The following AGT variants were observed in gnomAD, a reference collection of about 807,000 sequenced individuals.
AGT encodes angiotensinogen.
In AGT, 26 loss-of-function variants were observed where a neutral mutation model predicts 28.1. The ratio of observed to expected loss-of-function variants is 0.92; its 90% CI spans 0.68 to 1.28. The LOEUF is 1.28. Among genes scored for constraint, AGT ranks in the 50% most tolerant of loss-of-function variants. The pLI, the probability that AGT is intolerant of heterozygous loss-of-function variation, is 0.00. For missense variants in AGT, 596 were observed against 592.3 expected, an observed-to-expected ratio of 1.01 and a Z score of -0.06; for synonymous variants, 259 against 259.6, an observed-to-expected ratio of 1.00 and a Z score of 0.02.
At chr1:230,743,678 G>A (rs1009881796) in intron 1 of AGT, among the ~76,000 whole-genome samples, 3 of 152,184 alleles carry the variant, frequency 2.0e-5, no homozygotes, top group Non-Finnish European at 4.4e-5. Flanking sequence ...AGGCTGTTTG[G>A]CATATCCCTC....
chr1:230,723,007 C>G (rs77875707), intron 1 of AGT, among the ~76,000 whole-genome samples: 2,088 of 152,026 alleles, frequency 0.014, 55 homozygotes, highest in African/African-American at 0.046. Flanking sequence ...GTAATCCCCA[C>G]CTGTCAAGGG....
chr1:230,726,897 A>G (rs186558851), intron 1 of AGT, among the ~76,000 whole-genome samples: 44 of 152,284 alleles, frequency 2.9e-4, no homozygotes, highest in African/African-American at 9.9e-4. Context: ...CCACTCTCTC[A>G]TATCTTCCAA....
chr1:230,729,512 G>A (rs554116186), intron 1 of AGT, among the ~76,000 whole-genome samples: 1 of 152,282 alleles, frequency 6.6e-6, no homozygotes, highest in African/African-American at 2.4e-5. Context: ...ACCCAGGCAT[G>A]TGTTTCTCAA....
At chr1:230,730,020 G>A (rs961537614) in intron 1 of AGT, among the ~76,000 whole-genome samples, 1 of 152,014 alleles carries the variant, frequency 6.6e-6, no homozygotes, top group East Asian at 2.0e-4. Context: ...GATTAGCCAG[G>A]CGTGGTGGTG....
rs559544139 is a variant in AGT at position 230,705,759 on chromosome 1, G to A, written c.1097+174C>T. On this transcript the variant is annotated intron_variant, in intron 3 of 4. Coordinates refer to ENST00000366667, the MANE Select transcript of AGT (RefSeq NM_001384479.1). ...CTAACTGGAGAGCTGGGTGCTGGCT[G>A]GATAGAGGACTGGTAGACAGACACA... Among the ~76,000 whole-genome samples, 12 of 152,350 alleles carry A rather than the reference G, an allele frequency of 7.9e-5. No homozygotes were observed. In the South Asian group the frequency reaches 2.5e-3, roughly 32 times the overall value.
At chr1:230,705,650 C>T (rs555843872) in intron 3 of AGT, among the ~76,000 whole-genome samples, 2 of 152,378 alleles carry the variant, frequency 1.3e-5, no homozygotes, top group African/African-American at 4.8e-5. Flanking sequence ...TTTTCTCCCC[C>T]TCCAAAACTA....
chr1:230,711,177 A>G (rs969037341), intron 1 of AGT, among the ~76,000 whole-genome samples: 2 of 152,174 alleles, frequency 1.3e-5, no homozygotes, highest in African/African-American at 4.8e-5. Context: ...GATTAAGTTA[A>G]AATGAGGCCA....
chr1:230,703,123 T>G lies in AGT; in HGVS notation c.*18A>C. ...GGGGCAGAGGCCTTGCCAGGCACTGTGTTCTGGGGCCCTGGCCTCATGCTG... is the reference window on the plus strand; with the variant it reads ...GGGGCAGAGGCCTTGCCAGGCACTGGGTTCTGGGGCCCTGGCCTCATGCTG... On this transcript the variant is annotated 3_prime_UTR_variant, in exon 5 of 5. Coordinates refer to ENST00000366667, the MANE Select transcript of AGT (RefSeq NM_001384479.1). The G allele has an allele frequency of 6.2e-7, 1 of 1,612,028 alleles. No individual in the cohort carries two copies. The highest frequency in any genetic ancestry group is 1.3e-5 in the African/African-American group (1 of 74,998).
chr1:230,739,846 C>T (rs536254603), intron 1 of AGT, among the ~76,000 whole-genome samples: 1 of 152,216 alleles, frequency 6.6e-6, no homozygotes, highest in Non-Finnish European at 1.5e-5. Flanking sequence ...GGACCTGTTA[C>T]TGGAAAGGGG....
At chr1:230,717,107 C>T (rs1663751996), upstream of AGT, among the ~76,000 whole-genome samples, 1 of 146,738 alleles carries the variant, frequency 6.8e-6, no homozygotes, top group African/African-American at 2.5e-5. Context: ...TTTTTGTGAG[C>T]TCCAGGTTGG....
intron 1 of AGT, among the ~76,000 whole-genome samples, chr1:230,734,323 G>A (rs1489604894): frequency 1.3e-5 from 2 of 151,944 alleles, no homozygotes; most frequent in Non-Finnish European, 2.9e-5. Flanking sequence ...CCACTTTTAC[G>A]AGGTTCTTAG....
In AGT at chr1:230,704,923, G is replaced by C. The variant is rs146350357; in HGVS notation, c.1098-586C>G. Among the ~76,000 whole-genome samples, 132 of 152,334 alleles carry C rather than the reference G, an allele frequency of 8.7e-4. 1 individual carries two copies. Among genetic ancestry groups the C allele is most frequent in the East Asian group, 4.8e-3 (25 of 5,184 alleles). On this transcript the variant is annotated intron_variant, in intron 3 of 4. Coordinates refer to ENST00000366667, the MANE Select transcript of AGT (RefSeq NM_001384479.1). ...AGGGTACACTGCACTATTCACAGCA[G>C]CTCAAAGGTGGAAGCAACCCACGTG...
intron 1 of AGT, among the ~76,000 whole-genome samples, chr1:230,743,533 C>T (rs1484450608): frequency 2.0e-5 from 3 of 152,304 alleles, no homozygotes; most frequent in East Asian, 1.9e-4. Context: ...TGTGCAGGTC[C>T]CCTGCCTCTC....
intron 2 of AGT, among the ~76,000 whole-genome samples, chr1:230,708,678 AGT>A (rs1663466645): frequency 1.3e-5 from 2 of 152,068 alleles, no homozygotes; most frequent in Admixed American, 1.3e-4. Context: ...GAGCCTCCTC[AGT>A]GTCTCTTAGA....
chr1:230,738,970 C>A lies in AGT; in HGVS notation c.-31+6545G>T, dbSNP rs142222355. 2.6e-5 allele frequency among the ~76,000 whole-genome samples: 4 copies of A among 152,054 alleles called. No individual in the cohort carries two copies. The East Asian group carries it at 5.8e-4, about 22-fold the overall frequency. ...TTCTGCTATAGAAAAACTTCACACA[C>A]CTCCAGCAGCAAAGAATCTTATTTC... On this transcript the variant is annotated intron_variant, in intron 1 of 4. Transcript: ENST00000681269.
chr1:230,737,392 A>C (rs1377647971), intron 1 of AGT, among the ~76,000 whole-genome samples: 1 of 152,018 alleles, frequency 6.6e-6, no homozygotes, highest in Non-Finnish European at 1.5e-5. Flanking sequence ...GCTCACTGCA[A>C]CCTCTGCCTC....
intron 1 of AGT, among the ~76,000 whole-genome samples, chr1:230,740,506 G>A (rs892846060): frequency 1.3e-5 from 2 of 152,164 alleles, no homozygotes; most frequent in Admixed American, 6.5e-5. Context: ...TGAAGTAACT[G>A]CTAGTTTACA....
chr1:230,730,966 A>T (rs957863722), intron 1 of AGT, among the ~76,000 whole-genome samples: 2 of 152,192 alleles, frequency 1.3e-5, no homozygotes, highest in African/African-American at 4.8e-5. Flanking sequence ...GAATTAACCT[A>T]ATAATGCCTC....
chr1:230,733,093 C>T (rs914473248), intron 1 of AGT, among the ~76,000 whole-genome samples: 5 of 151,878 alleles, frequency 3.3e-5, no homozygotes, highest in Admixed American at 1.3e-4. Context: ...ATCAGCCCAA[C>T]CAACATGGAG....
Sources: allele counts gnomAD v4.1 joint callset (sites outside exome capture counted in the v4.1 genomes callset), GRCh38; gene constraint gnomAD v4.1.1; transcripts MANE v1.5; gene names NCBI Gene and HGNC (gene_info 2026-07-23, HGNC 2026-07-21).